The following INIP variants were observed in gnomAD, a reference collection of about 807,000 sequenced individuals.
INIP encodes INTS3 and NABP interacting protein, also known as SOSS complex subunit C.
INIP carries 9 observed loss-of-function variants against 14.0 expected under a neutral mutation model. That is an observed-to-expected ratio of 0.64 (90% CI 0.39 to 1.12). The LOEUF (loss-of-function observed/expected upper bound fraction) is 1.12, where lower values mean the gene tolerates loss of function less well. Ranked by LOEUF, INIP falls within the 50% of genes most tolerant of loss-of-function variation. INIP has a pLI of 0.01. For missense variants in INIP, 78 were observed against 122.7 expected, an observed-to-expected ratio of 0.64 and a Z score of 1.72; for synonymous variants, 37 against 41.5, an observed-to-expected ratio of 0.89 and a Z score of 0.41.
intron 2 of INIP, among the ~76,000 whole-genome samples, chr9:112,714,427 T>C (rs1386572536): frequency 6.6e-6 from 1 of 152,212 alleles, no homozygotes. Context: ...CAATACTTTA[T>C]AGAGAGTAAA....
intron 2 of INIP, among the ~76,000 whole-genome samples, chr9:112,705,362 G>A (rs1423504537): frequency 6.6e-6 from 1 of 152,018 alleles, no homozygotes; most frequent in Admixed American, 6.6e-5. Context: ...AGGCTGGAGT[G>A]CAGGTGGCAT....
intron 2 of INIP, among the ~76,000 whole-genome samples, chr9:112,713,025 G>A (rs1428117370): frequency 3.3e-5 from 5 of 152,184 alleles, no homozygotes; most frequent in African/African-American, 1.2e-4. Context: ...GAAAAGGCAA[G>A]CGAGACTGGG....
chr9:112,701,362 T>C (rs1450761269), intron 2 of INIP, among the ~76,000 whole-genome samples: 1 of 152,234 alleles, frequency 6.6e-6, no homozygotes, highest in Non-Finnish European at 1.5e-5. Flanking sequence ...TCTCATATAT[T>C]GCTCTATTTA....
rs145304722 is a variant in INIP at position 112,698,000 on chromosome 9, T to C, written c.26-3767A>G. 7.1e-3 allele frequency among the ~76,000 whole-genome samples: 1,084 copies of C among 152,250 alleles called. 28 individuals are homozygous for C. The South Asian group carries it at 0.084, about 12-fold the overall frequency. On this transcript the variant is annotated intron_variant, in intron 2 of 4. Transcript: ENST00000374242. Reference sequence around the variant, plus strand: ...ATCCCAAAACAGGCAAATTAATTCATGTTAAATGAAATGATTAAAGTAGGC... The same window carrying C: ...ATCCCAAAACAGGCAAATTAATTCACGTTAAATGAAATGATTAAAGTAGGC...
At chr9:112,693,293 C>G (rs1199617114) in intron 3 of INIP, among the ~76,000 whole-genome samples, 4 of 152,142 alleles carry the variant, frequency 2.6e-5, no homozygotes, top group African/African-American at 9.7e-5. Flanking sequence ...AAAGCTCTCT[C>G]TCTCCCCTCC....
intron 3 of INIP, among the ~76,000 whole-genome samples, chr9:112,693,119 C>G (rs1837952880): frequency 6.6e-6 from 1 of 150,706 alleles, no homozygotes; most frequent in African/African-American, 2.4e-5. Flanking sequence ...ATCAACTAAA[C>G]AGTTTGTTAA....
intron 3 of INIP, among the ~76,000 whole-genome samples, chr9:112,693,149 A>G (rs1237420868): frequency 1.3e-5 from 2 of 152,226 alleles, no homozygotes; most frequent in African/African-American, 4.8e-5. Context: ...TAGGAAATGA[A>G]GGGAACTAGA....
intron 2 of INIP, among the ~76,000 whole-genome samples, chr9:112,711,973 G>A (rs961440277): frequency 8.5e-5 from 13 of 152,206 alleles, no homozygotes; most frequent in Admixed American, 2.6e-4. Flanking sequence ...AGGCACTGGA[G>A]TCTGACCAGT....
intron 3 of INIP, among the ~76,000 whole-genome samples, chr9:112,691,584 T>G (rs1588072696): frequency 6.6e-6 from 1 of 152,198 alleles, no homozygotes; most frequent in Admixed American, 6.5e-5. Flanking sequence ...GGAAGCCTGG[T>G]CTAGAACAGA....
chr9:112,696,119 T>G (rs1838084778), intron 2 of INIP, among the ~76,000 whole-genome samples: 1 of 152,082 alleles, frequency 6.6e-6, no homozygotes. Context: ...CTTGAACTCC[T>G]GGGCTCAAGC....
intron 2 of INIP, among the ~76,000 whole-genome samples, chr9:112,700,722 G>C (rs912374085): frequency 1.3e-5 from 2 of 151,614 alleles, no homozygotes. Context: ...TGATTGGCTT[G>C]GTCAAGAAGG....
At chr9:112,701,430 A>G (rs375214245) in intron 2 of INIP, among the ~76,000 whole-genome samples, 82 of 152,392 alleles carry the variant, frequency 5.4e-4, no homozygotes, top group African/African-American at 1.7e-3. Context: ...CTTACAATGA[A>G]TCAGATGGAA....
chr9:112,687,481 G>T lies in INIP; in HGVS notation c.*57C>A. Reference sequence around the variant, plus strand: ...AGTCACAGTTCATGTAGCACTGAATGATAGTAGCTTTGGCATTTGATATTA... The same window carrying T: ...AGTCACAGTTCATGTAGCACTGAATTATAGTAGCTTTGGCATTTGATATTA... On this transcript the variant is annotated 3_prime_UTR_variant, in exon 5 of 5. Coordinates refer to ENST00000374242, the MANE Select transcript of INIP (RefSeq NM_021218.3). 9.4e-7 allele frequency: 1 copy of T among 1,068,076 alleles called. No homozygotes were observed. Among genetic ancestry groups the T allele is most frequent in the Non-Finnish European group, 1.5e-6 (1 of 687,312 alleles). 66.2% of individuals were successfully genotyped at this position (1,068,076 alleles called of 1,614,324 possible).
At chr9:112,702,678 C>T (rs892257500) in intron 2 of INIP, among the ~76,000 whole-genome samples, 18 of 152,288 alleles carry the variant, frequency 1.2e-4, no homozygotes, top group Admixed American at 1.0e-3. Flanking sequence ...GATTCTCCTG[C>T]CTCAGCCTCC....
chr9:112,708,166 C>T (rs1838539143), intron 2 of INIP, among the ~76,000 whole-genome samples: 1 of 152,156 alleles, frequency 6.6e-6, no homozygotes, highest in South Asian at 2.1e-4. Context: ...GCATTTATAA[C>T]AATCATTATT....
At chr9:112,698,833 C>G (rs1838191498) in intron 2 of INIP, among the ~76,000 whole-genome samples, 1 of 152,136 alleles carries the variant, frequency 6.6e-6, no homozygotes, top group Non-Finnish European at 1.5e-5. Context: ...TTTTAGAACA[C>G]CACAGTGACT....
chr9:112,695,710 A>G (rs1838055952), intron 2 of INIP, among the ~76,000 whole-genome samples: 1 of 148,708 alleles, frequency 6.7e-6, no homozygotes, highest in African/African-American at 2.5e-5. Flanking sequence ...TTTGGATAAG[A>G]TAATTCATTA....
At chr9:112,708,576 T>A (rs1838554084) in intron 2 of INIP, among the ~76,000 whole-genome samples, 1 of 152,212 alleles carries the variant, frequency 6.6e-6, no homozygotes, top group African/African-American at 2.4e-5. Flanking sequence ...TAGTTTTCTA[T>A]GGCTGCTGTA....
At chr9:112,703,953 GAAAATA>G (rs1273632419) in intron 2 of INIP, among the ~76,000 whole-genome samples, 1 of 152,148 alleles carries the variant, frequency 6.6e-6, no homozygotes, top group African/African-American at 2.4e-5. Flanking sequence ...AAAAAAGGGT[GAAAATA>G]ATAGGGTATC....
Sources: allele counts gnomAD v4.1 joint callset (sites outside exome capture counted in the v4.1 genomes callset), GRCh38; gene constraint gnomAD v4.1.1; transcripts MANE v1.5; gene names NCBI Gene and HGNC (gene_info 2026-07-23, HGNC 2026-07-21).